The following NPR3 variants were observed in gnomAD, a reference collection of about 807,000 sequenced individuals.
NPR3 encodes atrial natriuretic peptide receptor 3.
Under a neutral mutation model 54.5 loss-of-function variants are expected in NPR3, and 34 were observed. The observed-to-expected ratio is 0.62, with a 90% CI of 0.47 to 0.83. The LOEUF (loss-of-function observed/expected upper bound fraction) is 0.83. NPR3 is among the 40% of genes least tolerant of loss of function. The pLI is 0.00. For synonymous variants in NPR3, 289 were observed against 297.1 expected (o/e 0.97, Z 0.28); for missense variants, 674 against 720.8 (o/e 0.94, Z 0.74).
At chr5:32,736,238 A>G (rs1208187580) in intron 2 of NPR3, among the ~76,000 whole-genome samples, 1 of 148,510 alleles carries the variant, frequency 6.7e-6, no homozygotes, top group East Asian at 1.9e-4. Context: ...CTCAAAAAAA[A>G]AAAAAAAAAA....
At chr5:32,753,575 C>A (rs1740685125) in intron 3 of NPR3, among the ~76,000 whole-genome samples, 1 of 149,958 alleles carries the variant, frequency 6.7e-6, no homozygotes, top group African/African-American at 2.5e-5. Context: ...TTTTTTTCTG[C>A]CTTTCTCACC....
At chr5:32,743,406 G>A (rs1480689080) in intron 3 of NPR3, among the ~76,000 whole-genome samples, 3 of 152,160 alleles carry the variant, frequency 2.0e-5, no homozygotes, top group Non-Finnish European at 4.4e-5. Context: ...GTGTGTGTGT[G>A]TGTATTAAGT....
chr5:32,763,166 C>G (rs1026915252), intron 3 of NPR3, among the ~76,000 whole-genome samples: 2 of 152,068 alleles, frequency 1.3e-5, no homozygotes, highest in Admixed American at 1.3e-4. Flanking sequence ...ATTTCTGAGG[C>G]CTCTGTTCTG....
At chr5:32,746,489 G>T (rs778282465) in intron 3 of NPR3, among the ~76,000 whole-genome samples, 1 of 152,102 alleles carries the variant, frequency 6.6e-6, no homozygotes, top group African/African-American at 2.4e-5. Flanking sequence ...TGTATGTCAG[G>T]TTGCACTGAA....
intron 1 of NPR3, among the ~76,000 whole-genome samples, chr5:32,703,267 G>A (rs1457495747): frequency 6.6e-6 from 1 of 152,056 alleles, no homozygotes; most frequent in Non-Finnish European, 1.5e-5. Context: ...GCCATCTAAT[G>A]GCATCTTGGG....
rs533919694 is a variant in NPR3, at chr5:32,723,248, C to T, written c.770-1450C>T. On this transcript the variant is annotated intron_variant, in intron 1 of 7. Coordinates refer to ENST00000265074, the MANE Select transcript of NPR3 (RefSeq NM_001204375.2). Reference sequence around the variant, plus strand: ...TGTGTGCAGCAAAACACAGTGGTACCGGTCATGGAGACCTGGGTCTATCAA... The same window carrying T: ...TGTGTGCAGCAAAACACAGTGGTACTGGTCATGGAGACCTGGGTCTATCAA... Among the ~76,000 whole-genome samples, 8 of 152,262 alleles carry T rather than the reference C, an allele frequency of 5.3e-5. No homozygotes were observed. The South Asian group carries it at 6.2e-4, about 12-fold the overall frequency.
At chr5:32,756,210 G>A (rs1447717826) in intron 3 of NPR3, among the ~76,000 whole-genome samples, 2 of 152,326 alleles carry the variant, frequency 1.3e-5, no homozygotes, top group African/African-American at 4.8e-5. Flanking sequence ...CTAGTTTACA[G>A]TCCCACCAAC....
intron 3 of NPR3, among the ~76,000 whole-genome samples, chr5:32,750,956 G>C (rs1025739700): frequency 1.3e-5 from 2 of 152,194 alleles, no homozygotes; most frequent in African/African-American, 4.8e-5. Context: ...GGTATATGAA[G>C]ACTGTTGATT....
At chr5:32,716,512 T>C in intron 1 of NPR3, 1 of 442,644 alleles carries the variant, frequency 2.3e-6, no homozygotes, top group Non-Finnish European at 4.5e-6. Flanking sequence ...AAAATTTTTC[T>C]CAGTAGGCTG....
intron 3 of NPR3, among the ~76,000 whole-genome samples, chr5:32,746,049 T>C (rs1253383363): frequency 6.6e-6 from 1 of 152,162 alleles, no homozygotes; most frequent in Non-Finnish European, 1.5e-5. Context: ...TATACCTTAG[T>C]GTAAAGCACT....
At chr5:32,773,217 T>C (rs1449245319) in intron 3 of NPR3, among the ~76,000 whole-genome samples, 3 of 152,224 alleles carry the variant, frequency 2.0e-5, no homozygotes, top group Non-Finnish European at 4.4e-5. Context: ...ACTGACACTT[T>C]TTTCTGAAAT....
At chr5:32,761,549 T>C (rs1561118087) in intron 3 of NPR3, among the ~76,000 whole-genome samples, 1 of 152,076 alleles carries the variant, frequency 6.6e-6, no homozygotes, top group Non-Finnish European at 1.5e-5. Flanking sequence ...TATTTTCTAT[T>C]GTTATTTCTT....
intron 1 of NPR3, among the ~76,000 whole-genome samples, chr5:32,698,982 T>A (rs997447716): frequency 6.6e-6 from 1 of 152,232 alleles, no homozygotes; most frequent in African/African-American, 2.4e-5. Context: ...ATGTTATTAT[T>A]GATAAGTAAG....
intron 2 of NPR3, among the ~76,000 whole-genome samples, chr5:32,726,522 C>A (rs576594232): frequency 8.5e-5 from 13 of 152,236 alleles, no homozygotes; most frequent in African/African-American, 3.1e-4. Flanking sequence ...GGGTTGAGTT[C>A]ATTGAAATGG....
intron 1 of NPR3, among the ~76,000 whole-genome samples, chr5:32,702,935 CTT>C (rs1166894159): frequency 6.6e-6 from 1 of 152,168 alleles, no homozygotes; most frequent in Non-Finnish European, 1.5e-5. Context: ...TGTTTCCTGA[CTT>C]TTTAATGATT....
intron 1 of NPR3, among the ~76,000 whole-genome samples, chr5:32,701,893 G>A (rs768888240): frequency 4.0e-4 from 61 of 152,168 alleles, no homozygotes; most frequent in Admixed American, 1.7e-3. Context: ...CTCTCTCTCT[G>A]TGCTGAGCTG....
intron 1 of NPR3, among the ~76,000 whole-genome samples, chr5:32,704,029 C>T (rs1033132290): frequency 6.6e-6 from 1 of 152,226 alleles, no homozygotes; most frequent in African/African-American, 2.4e-5. Flanking sequence ...ATCTCAGGTT[C>T]CAACCACTAG....
intron 3 of NPR3, among the ~76,000 whole-genome samples, chr5:32,748,672 G>T (rs1157950739): frequency 6.6e-6 from 1 of 152,198 alleles, no homozygotes; most frequent in African/African-American, 2.4e-5. Context: ...AAGGGACCTG[G>T]AGGAGTAATT....
chr5:32,691,248 C>T (rs1429077677), intron 1 of NPR3, among the ~76,000 whole-genome samples: 5 of 152,286 alleles, frequency 3.3e-5, no homozygotes, highest in Non-Finnish European at 5.9e-5. Context: ...TGCAAAGTTG[C>T]GGTTTTAGCG....
Sources: gnomAD v4.1 joint callset for allele counts (sites outside exome capture counted in the v4.1 genomes callset) on GRCh38, gnomAD v4.1.1 for gene constraint, MANE v1.5 for transcripts, NCBI Gene and HGNC (gene_info 2026-07-23, HGNC 2026-07-21) for gene names.